Variants in ANKMY2 observed in about 807,000 individuals in gnomAD.
ANKMY2 encodes the protein ankyrin repeat and MYND domain containing 2, also known as ankyrin repeat and MYND domain-containing protein 2.
ANKMY2 carries 36 observed loss-of-function variants against 50.4 expected under a neutral mutation model. The observed-to-expected ratio is 0.71, with a 90% CI of 0.55 to 0.94. The LOEUF (loss-of-function observed/expected upper bound fraction) is 0.94, where lower values mean the gene tolerates loss of function less well. Ranked by LOEUF, ANKMY2 falls within the 40% of genes least tolerant of loss-of-function variation. The probability of loss-of-function intolerance (pLI) is 0.00; values close to 1 mark genes in which losing one functional copy is unlikely to be tolerated. For synonymous variants in ANKMY2, 187 were observed against 178.8 expected (o/e 1.05, Z -0.36); for missense variants, 565 against 524.0 (o/e 1.08, Z -0.76).
chr7:16,620,644 G>A (rs1443582709), intron 4 of ANKMY2, among the ~76,000 whole-genome samples: 1 of 147,638 alleles, frequency 6.8e-6, no homozygotes, highest in Non-Finnish European at 1.5e-5. Flanking sequence ...ACAAACAATA[G>A]TCAAGTAAAA....
intron 3 of ANKMY2, among the ~76,000 whole-genome samples, chr7:16,625,973 A>G (rs971742268): frequency 1.6e-4 from 23 of 143,872 alleles, no homozygotes; most frequent in African/African-American, 5.3e-4. Context: ...TTGATTTATA[A>G]GAAGTCTTTT....
Position 16,636,472 on chromosome 7 carries a change from G to C in ANKMY2, c.68-17C>G, listed in dbSNP as rs1316831905. 2 of 1,307,120 alleles carry C rather than the reference G, an allele frequency of 1.5e-6. No homozygotes were observed. The highest frequency in any genetic ancestry group is 2.1e-6 in the Non-Finnish European group (2 of 946,182). 81.0% of individuals were successfully genotyped at this position (1,307,120 alleles called of 1,614,324 possible). ...GGACAGTACCTAAAAAAAAAAAAAA[G>C]ATGAAAAGTAAGGTTATTCGTCACT... On this transcript the variant is annotated splice_polypyrimidine_tract_variant and intron_variant, in intron 1 of 9. Transcript: ENST00000306999.
intron 2 of ANKMY2, among the ~76,000 whole-genome samples, chr7:16,633,408 G>A (rs994849763): frequency 6.6e-6 from 1 of 151,752 alleles, no homozygotes; most frequent in Non-Finnish European, 1.5e-5. Flanking sequence ...AAGATTAAAA[G>A]TGCAATGATA....
intron 4 of ANKMY2, among the ~76,000 whole-genome samples, chr7:16,624,678 G>A (rs147619179): frequency 1.3e-5 from 2 of 152,146 alleles, no homozygotes; most frequent in Non-Finnish European, 2.9e-5. Flanking sequence ...CTGACTTCTC[G>A]GTTAGCATTC....
intron 5 of ANKMY2, among the ~76,000 whole-genome samples, chr7:16,612,655 TG>T (rs1430395712): frequency 1.3e-5 from 2 of 152,216 alleles, no homozygotes; most frequent in Non-Finnish European, 2.9e-5. Context: ...AATAATTTTT[TG>T]TTTGGAGACA....
intron 2 of ANKMY2, among the ~76,000 whole-genome samples, chr7:16,633,315 T>C (rs1781613352): frequency 1.3e-5 from 2 of 152,072 alleles, no homozygotes; most frequent in Non-Finnish European, 2.9e-5. Context: ...AAATTTTTTA[T>C]TTCTGTTTTT....
intron 1 of ANKMY2, among the ~76,000 whole-genome samples, chr7:16,640,166 C>CA (rs1474917592): frequency 6.6e-6 from 1 of 151,570 alleles, no homozygotes; most frequent in Non-Finnish European, 1.5e-5. Context: ...GACTCTGTCT[C>CA]AAAAAAATAA....
At chr7:16,612,450 T>G (rs952955726) in intron 5 of ANKMY2, among the ~76,000 whole-genome samples, 1 of 152,226 alleles carries the variant, frequency 6.6e-6, no homozygotes, top group Non-Finnish European at 1.5e-5. Flanking sequence ...TTGATAACTC[T>G]CTCTACCAAA....
At chr7:16,632,139 CCTTA>C (rs1781596481) in intron 2 of ANKMY2, among the ~76,000 whole-genome samples, 1 of 148,802 alleles carries the variant, frequency 6.7e-6, no homozygotes, top group Admixed American at 6.8e-5. Context: ...CTTCCTTCCT[CCTTA>C]CTGTTTATAC....
intron 4 of ANKMY2, among the ~76,000 whole-genome samples, chr7:16,618,649 C>A (rs1385832149): frequency 6.6e-6 from 1 of 152,006 alleles, no homozygotes; most frequent in East Asian, 1.9e-4. Flanking sequence ...CAAACAGTAG[C>A]AGTCTATATT....
chr7:16,638,755 A>G (rs1167529816), intron 1 of ANKMY2, among the ~76,000 whole-genome samples: 1 of 152,204 alleles, frequency 6.6e-6, no homozygotes, highest in Non-Finnish European at 1.5e-5. Context: ...TCGCCTCATT[A>G]GAACAAAAGA....
At chr7:16,645,441 C>T in intron 1 of ANKMY2, 66 bp downstream of exon 1, 3 of 1,495,430 alleles carry the variant, frequency 2.0e-6, no homozygotes, top group South Asian at 1.3e-5. Context: ...CCAGGAGCGC[C>T]CCCCGGGCTC....
chr7:16,612,702 T>C (rs1434710468), intron 5 of ANKMY2, among the ~76,000 whole-genome samples: 1 of 152,154 alleles, frequency 6.6e-6, no homozygotes, highest in Non-Finnish European at 1.5e-5. Flanking sequence ...ACAGCACAAA[T>C]ATACACCAAG....
chr7:16,629,904 A>C (rs889496698), intron 2 of ANKMY2, among the ~76,000 whole-genome samples: 1 of 152,152 alleles, frequency 6.6e-6, no homozygotes, highest in Non-Finnish European at 1.5e-5. Flanking sequence ...AATATTAATA[A>C]ATTTTGATGC....
intron 3 of ANKMY2, 69 bp from the exon 4 acceptor site, chr7:16,625,150 T>G: frequency 8.2e-7 from 1 of 1,218,312 alleles, no homozygotes; most frequent in Non-Finnish European, 1.2e-6. Context: ...CTTTCTAAAC[T>G]CTCTATACCC....
intron 7 of ANKMY2, among the ~76,000 whole-genome samples, chr7:16,607,977 CCCTTTGCTCTT>C (rs1326045669): frequency 1.3e-5 from 2 of 152,114 alleles, no homozygotes; most frequent in East Asian, 3.9e-4. Context: ...AGATATAGAC[CCCTTTGCTCTT>C]CCTGCCTGCC....
rs1781034297 is a variant in ANKMY2, at chr7:16,600,626, A to G, written c.*135T>C. 9 of 665,056 alleles carry G rather than the reference A, an allele frequency of 1.4e-5. 1 individual carries two copies. The highest frequency in any genetic ancestry group is 2.0e-5 in the Non-Finnish European group (9 of 452,690). 41.2% of individuals were successfully genotyped at this position (665,056 alleles called of 1,614,324 possible). On this transcript the variant is annotated 3_prime_UTR_variant, in exon 10 of 10. Coordinates refer to ENST00000306999, the MANE Select transcript of ANKMY2 (RefSeq NM_020319.3). ...GCATGGTCAACAGGGGTTTGCTTGAAAACCTGTATTCTATGAAATGTGGAA... is the reference window on the plus strand; with the variant it reads ...GCATGGTCAACAGGGGTTTGCTTGAGAACCTGTATTCTATGAAATGTGGAA...
chr7:16,625,006 G>T lies in ANKMY2; in HGVS notation c.347C>A (p.Ala116Glu). ...TDVVNSVGRTAAQMAAFVGQH... is the reference protein window; with the variant it reads ...TDVVNSVGRTEAQMAAFVGQH... ...ACCCACAAAGGCTGCCATCTGAGCT[G>T]CTGTTCTTCCCACAGAGTTGACAAC... Residue 116 changes from alanine (A) to glutamate (E), a missense_variant, in exon 4 of 10, where the codon GCA (alanine) becomes GAA (glutamate). Coordinates refer to ENST00000306999, the MANE Select transcript of ANKMY2 (RefSeq NM_020319.3). 1 of 1,613,854 alleles carries T rather than the reference G, an allele frequency of 6.2e-7. No homozygotes were observed. The highest frequency in any genetic ancestry group is 1.3e-5 in the African/African-American group (1 of 75,020).
intron 7 of ANKMY2, among the ~76,000 whole-genome samples, chr7:16,605,162 C>A (rs555719083): frequency 2.0e-5 from 3 of 152,248 alleles, no homozygotes. Context: ...AGATTTAGGA[C>A]AATAACTCCA....
Sources: allele counts gnomAD v4.1 joint callset (sites outside exome capture counted in the v4.1 genomes callset), GRCh38; gene constraint gnomAD v4.1.1; transcripts MANE v1.5; gene names NCBI Gene and HGNC (gene_info 2026-07-23, HGNC 2026-07-21).